PLEKHA8: variants seen among roughly 807,000 people sequenced by gnomAD.
PLEKHA8 encodes the protein pleckstrin homology domain containing A8.
A neutral mutation model predicts 68.2 loss-of-function variants in PLEKHA8; 36 were observed. The ratio of observed to expected loss-of-function variants is 0.53; its 90% CI spans 0.40 to 0.70. PLEKHA8 has a LOEUF of 0.70. Ranked by LOEUF, PLEKHA8 falls within the 30% of genes least tolerant of loss-of-function variation. The pLI is 0.00. For missense variants in PLEKHA8, 505 were observed against 615.4 expected, an observed-to-expected ratio of 0.82 and a Z score of 1.90; for synonymous variants, 211 against 216.1, an observed-to-expected ratio of 0.98 and a Z score of 0.20.
chr7:30,071,030 C>T (rs1237779697), intron 12 of PLEKHA8, among the ~76,000 whole-genome samples: 9 of 152,192 alleles, frequency 5.9e-5, no homozygotes, highest in Admixed American at 3.9e-4. Context: ...GTAATGTTCT[C>T]TGTACAGGGG....
chr7:30,080,367 A>C lies in PLEKHA8; in HGVS notation c.*1580A>C. 1 of 985,264 alleles carries C rather than the reference A, an allele frequency of 1.0e-6. No homozygotes were observed. The highest frequency in any genetic ancestry group is 1.2e-6 in the Non-Finnish European group (1 of 829,888). 61.0% of individuals were successfully genotyped at this position (985,264 alleles called of 1,614,324 possible). A position where few individuals can be genotyped will look rare whatever the true frequency, so the allele number is the denominator to read the frequency against. Reference sequence around the variant, plus strand: ...GAGGCTACTTCCTTCTAGTAACAGGAAGGGAAGTTCCAGCATGAGGTAGTT... The same window carrying C: ...GAGGCTACTTCCTTCTAGTAACAGGCAGGGAAGTTCCAGCATGAGGTAGTT... On this transcript the variant is annotated 3_prime_UTR_variant, in exon 14 of 14. Coordinates refer to ENST00000449726, the MANE Select transcript of PLEKHA8 (RefSeq NM_001197026.2).
chr7:30,048,084 C>CG, intron 4 of PLEKHA8, 128 bp downstream of exon 4: 1 of 487,972 alleles, frequency 2.0e-6, no homozygotes, highest in Non-Finnish European at 2.9e-6. Context: ...AAGCACCAGA[C>CG]GTTGCTTACA....
chr7:30,124,006 G>T (rs1796734562), intron 13 of PLEKHA8, among the ~76,000 whole-genome samples: 1 of 152,144 alleles, frequency 6.6e-6, no homozygotes, highest in Non-Finnish European at 1.5e-5. Flanking sequence ...TATATCTTTG[G>T]GTCGTTGTAA....
intron 7 of PLEKHA8, among the ~76,000 whole-genome samples, chr7:30,053,582 G>A (rs1484632195): frequency 6.6e-6 from 1 of 152,134 alleles, no homozygotes; most frequent in African/African-American, 2.4e-5. Flanking sequence ...ACACATCATT[G>A]GAGCCTTATC....
chr7:30,032,636 T>C (rs762311133), intron 1 of PLEKHA8, among the ~76,000 whole-genome samples: 15 of 152,218 alleles, frequency 9.9e-5, no homozygotes, highest in Admixed American at 3.3e-4. Context: ...TAATTCTAGC[T>C]GATTCATAAT....
At chr7:30,034,629 T>C (rs751837427) in intron 1 of PLEKHA8, among the ~76,000 whole-genome samples, 12 of 152,148 alleles carry the variant, frequency 7.9e-5, no homozygotes, top group Non-Finnish European at 1.0e-4. Flanking sequence ...AGTGGGTCAT[T>C]GTAAAGGTCT....
In PLEKHA8 at chr7:30,080,754, AG is replaced by A. The variant is rs1332914662; in HGVS notation, c.*1968del. ...TTCCCTCCCACTCTCATGAGCAGTG[AG>A]TATAGATCTCCTTCTCTGATTAGTA... On this transcript the variant is annotated 3_prime_UTR_variant, in exon 14 of 14. Coordinates refer to ENST00000449726, the MANE Select transcript of PLEKHA8 (RefSeq NM_001197026.2). 1 of 985,182 alleles carries A rather than the reference AG, an allele frequency of 1.0e-6. No individual in the cohort carries two copies. Among genetic ancestry groups the A allele is most frequent in the African/African-American group, 1.7e-5 (1 of 57,198 alleles). The allele number at this position is 985,182 out of a possible 1,614,324, so 61.0% of individuals were successfully genotyped here.
chr7:30,045,897 A>G (rs764626836), intron 2 of PLEKHA8, among the ~76,000 whole-genome samples: 4 of 152,242 alleles, frequency 2.6e-5, no homozygotes, highest in Non-Finnish European at 5.9e-5. Flanking sequence ...CACCCACTGA[A>G]AGAAAGATTC....
chr7:30,104,492 A>G (rs1057238782), intron 13 of PLEKHA8, among the ~76,000 whole-genome samples: 12 of 152,190 alleles, frequency 7.9e-5, no homozygotes, highest in Non-Finnish European at 1.6e-4. Context: ...CCACTCAGCA[A>G]TAACAAGGAG....
At position 30,083,155 on chromosome 7, in the gene PLEKHA8, C is replaced by T; in HGVS notation, c.*4368C>T. On this transcript the variant is annotated 3_prime_UTR_variant, in exon 14 of 14. Coordinates refer to ENST00000449726, the MANE Select transcript of PLEKHA8 (RefSeq NM_001197026.2). ...ATGTGTTTGGTCTTAGAGGGCCTGA[C>T]TTCAGATACTCTTTGTGATCTTGTA... The T allele has an allele frequency of 5.1e-6, 5 of 983,326 alleles. No homozygotes were observed. The highest frequency in any genetic ancestry group is 1.7e-5 in the African/African-American group (1 of 57,286). The allele number at this position is 983,326 out of a possible 1,614,324, so 60.9% of individuals were successfully genotyped here.
At chr7:30,060,774 G>A in intron 9 of PLEKHA8, 110 bp from the exon 10 acceptor site, 1 of 825,702 alleles carries the variant, frequency 1.2e-6, no homozygotes, top group South Asian at 1.6e-5. Flanking sequence ...TGATTTGGAA[G>A]CAAAAATTAA....
At position 30,028,593 on chromosome 7, in the gene PLEKHA8, C is replaced by T. The variant is rs1174333421; in HGVS notation, c.-170C>T. 2 of 430,656 alleles carry T rather than the reference C, an allele frequency of 4.6e-6. No individual in the cohort carries two copies. Among genetic ancestry groups the T allele is most frequent in the East Asian group, 7.4e-5 (2 of 26,918 alleles). 26.7% of individuals were successfully genotyped at this position (430,656 alleles called of 1,614,324 possible). A position where few individuals can be genotyped will look rare whatever the true frequency, so the allele number is the denominator to read the frequency against. On this transcript the variant is annotated 5_prime_UTR_variant, in exon 1 of 14. Coordinates refer to ENST00000449726, the MANE Select transcript of PLEKHA8 (RefSeq NM_001197026.2). ...GCCGAGGCCGCCGCAGTGACCCCGC[C>T]CCCGGGCCGAGGATGTGAGGCGGGC...
chr7:30,050,523 A>G (rs1048347323), intron 6 of PLEKHA8, 49 bp downstream of exon 6: 2 of 1,488,866 alleles, frequency 1.3e-6, no homozygotes, highest in African/African-American at 2.9e-5. Flanking sequence ...AAATAAGGAT[A>G]TTGTTATTCC....
chr7:30,092,276 T>C (rs1443376786), downstream of PLEKHA8, among the ~76,000 whole-genome samples: 1 of 152,156 alleles, frequency 6.6e-6, no homozygotes, highest in African/African-American at 2.4e-5. Context: ...GTCGTTGTTA[T>C]TGTTTGAAAG....
chr7:30,042,334 A>G (rs1433655680), intron 1 of PLEKHA8, among the ~76,000 whole-genome samples: 1 of 152,312 alleles, frequency 6.6e-6, no homozygotes, highest in East Asian at 1.9e-4. Flanking sequence ...CTTTACACAG[A>G]CACCCTGACA....
intron 12 of PLEKHA8, among the ~76,000 whole-genome samples, chr7:30,063,316 A>T (rs1267098119): frequency 6.6e-6 from 1 of 152,214 alleles, no homozygotes; most frequent in Non-Finnish European, 1.5e-5. Context: ...GTAGGTGCTT[A>T]ATAAACATTG....
downstream of PLEKHA8, among the ~76,000 whole-genome samples, chr7:30,085,714 A>G (rs56083869): frequency 0.021 from 3,138 of 152,252 alleles, 49 homozygotes; most frequent in East Asian, 0.04. Context: ...GTCCGTTAGA[A>G]TTGAGAGTGG....
In PLEKHA8 at chr7:30,082,539, T is replaced by A; in HGVS notation, c.*3752T>A. 1.0e-6 allele frequency: 1 copy of A among 985,364 alleles called. No individual in the cohort carries two copies. The highest frequency in any genetic ancestry group is 1.2e-6 in the Non-Finnish European group (1 of 829,902). 61.0% of individuals were successfully genotyped at this position (985,364 alleles called of 1,614,324 possible). A position where few individuals can be genotyped will look rare whatever the true frequency, so the allele number is the denominator to read the frequency against. ...CATGACATGGGGCACCTAGGAAAGA[T>A]GATTATTAGAGGAGTGCAGCGGAAA... On this transcript the variant is annotated 3_prime_UTR_variant, in exon 14 of 14. Transcript: ENST00000449726.
At chr7:30,054,476 T>C (rs1390602742) in intron 7 of PLEKHA8, among the ~76,000 whole-genome samples, 1 of 152,186 alleles carries the variant, frequency 6.6e-6, no homozygotes, top group Non-Finnish European at 1.5e-5. Context: ...AAGGGTTGAA[T>C]GATAATGAAA....
Sources: gnomAD v4.1 joint callset for allele counts (sites outside exome capture counted in the v4.1 genomes callset) on GRCh38, gnomAD v4.1.1 for gene constraint, MANE v1.5 for transcripts, NCBI Gene and HGNC (gene_info 2026-07-23, HGNC 2026-07-21) for gene names.